MACROD2: variants seen among roughly 807,000 people sequenced by gnomAD.
MACROD2 encodes the protein ADP-ribose glycohydrolase MACROD2.
A neutral mutation model predicts 70.4 loss-of-function variants in MACROD2; 36 were observed. That is an observed-to-expected ratio of 0.51 (90% CI 0.39 to 0.68). MACROD2 has a LOEUF of 0.68. Among genes scored for constraint, MACROD2 ranks in the 30% least tolerant of loss-of-function variants. The pLI is 0.00. For missense variants in MACROD2, 496 were observed against 538.4 expected, an observed-to-expected ratio of 0.92 and a Z score of 0.78; for synonymous variants, 172 against 178.8, an observed-to-expected ratio of 0.96 and a Z score of 0.30.
intron 13 of MACROD2, among the ~76,000 whole-genome samples, chr20:15,977,614 A>G (rs1470011320): frequency 1.3e-5 from 2 of 152,216 alleles, no homozygotes; most frequent in Non-Finnish European, 2.9e-5. Flanking sequence ...ACATTGATTG[A>G]TGACTTCTTA....
At chr20:15,662,861 G>A (rs1203775965) in intron 8 of MACROD2, among the ~76,000 whole-genome samples, 1 of 151,868 alleles carries the variant, frequency 6.6e-6, no homozygotes, top group African/African-American at 2.4e-5. Flanking sequence ...GAAGAAAAAG[G>A]CACATTGGTA....
chr20:15,677,679 C>T (rs925833374), intron 8 of MACROD2, among the ~76,000 whole-genome samples: 1 of 18,802 alleles, frequency 5.3e-5, no homozygotes, highest in Non-Finnish European at 1.3e-4. Flanking sequence ...AACCAACCAA[C>T]CAACCAACCA....
chr20:15,335,465 A>G (rs1008497524), intron 6 of MACROD2, among the ~76,000 whole-genome samples: 2 of 146,426 alleles, frequency 1.4e-5, no homozygotes, highest in Non-Finnish European at 3.0e-5. Flanking sequence ...TATTCTGCTA[A>G]TGTAATATTT....
intron 3 of MACROD2, among the ~76,000 whole-genome samples, chr20:14,364,778 G>A (rs967165702): frequency 6.6e-6 from 1 of 152,178 alleles, no homozygotes; most frequent in African/African-American, 2.4e-5. Flanking sequence ...ATTGTACCAT[G>A]TGTCAGTAGT....
chr20:14,154,889 T>C (rs954694715), intron 3 of MACROD2, among the ~76,000 whole-genome samples: 4 of 152,198 alleles, frequency 2.6e-5, no homozygotes, highest in African/African-American at 9.6e-5. Flanking sequence ...GCATTTATAA[T>C]GCATGTCATA....
At chr20:15,112,950 C>CTG (rs11467446) in intron 5 of MACROD2, among the ~76,000 whole-genome samples, 8,842 of 146,048 alleles carry the variant, frequency 0.061, 270 homozygotes, top group Middle Eastern at 0.14. Context: ...TAATATTTCA[C>CTG]TGTGTGTGTG....
chr20:15,838,836 G>A (rs2064141253), intron 8 of MACROD2, among the ~76,000 whole-genome samples: 1 of 151,984 alleles, frequency 6.6e-6, no homozygotes, highest in Non-Finnish European at 1.5e-5. Flanking sequence ...CTTGTAGTCT[G>A]GTTTCATTTG....
At position 14,734,224 on chromosome 20, in the gene MACROD2, C is replaced by T. The variant is rs552898474; in HGVS notation, c.418+49265C>T. 7.9e-5 allele frequency among the ~76,000 whole-genome samples: 12 copies of T among 152,048 alleles called. No homozygotes were observed. In the East Asian group the frequency reaches 1.4e-3, roughly 17 times the overall value. ...TTAAAATTAACAATAAGGGGCCGGG[C>T]GTGGTGGCTCACACCTGTAATCCCA... On this transcript the variant is annotated intron_variant, in intron 5 of 17. Coordinates refer to ENST00000684519, the MANE Select transcript of MACROD2 (RefSeq NM_001351661.2).
chr20:15,536,770 A>G (rs919089733), intron 8 of MACROD2, among the ~76,000 whole-genome samples: 17 of 152,212 alleles, frequency 1.1e-4, no homozygotes, highest in Admixed American at 9.8e-4. Context: ...GAGCTTTATT[A>G]TGATCGTTTC....
At chr20:15,904,486 G>A (rs1308966603) in intron 10 of MACROD2, among the ~76,000 whole-genome samples, 2 of 152,168 alleles carry the variant, frequency 1.3e-5, no homozygotes, top group East Asian at 3.9e-4. Flanking sequence ...CCCCATAAAA[G>A]GTGTTTTTTT....
intron 2 of MACROD2, among the ~76,000 whole-genome samples, chr20:14,007,595 T>C (rs969498742): frequency 2.6e-5 from 4 of 152,184 alleles, no homozygotes; most frequent in Non-Finnish European, 5.9e-5. Context: ...AATGGGTGGA[T>C]GGGTAGATAT....
chr20:14,914,697 A>G (rs1424059267), intron 5 of MACROD2, among the ~76,000 whole-genome samples: 3 of 152,228 alleles, frequency 2.0e-5, no homozygotes, highest in African/African-American at 4.8e-5. Context: ...AAATAAAAGT[A>G]TATCTACTAT....
chr20:14,051,841 T>C, intron 2 of MACROD2: 1 of 488,366 alleles, frequency 2.0e-6, no homozygotes, highest in South Asian at 1.5e-5. Flanking sequence ...GGCCCATCCT[T>C]TTTGTGAGGA....
intron 13 of MACROD2, among the ~76,000 whole-genome samples, chr20:15,971,711 T>G (rs2066233475): frequency 1.3e-5 from 2 of 152,114 alleles, no homozygotes; most frequent in Admixed American, 1.3e-4. Flanking sequence ...GAACAGACAC[T>G]AATACTCTGG....
chr20:15,381,216 A>G (rs2146278309), intron 6 of MACROD2, among the ~76,000 whole-genome samples: 1 of 152,134 alleles, frequency 6.6e-6, no homozygotes, highest in East Asian at 1.9e-4. Context: ...CATTATTTTT[A>G]GAGAGCTCTT....
At chr20:15,165,447 C>T (rs1321178388) in intron 5 of MACROD2, among the ~76,000 whole-genome samples, 1 of 152,162 alleles carries the variant, frequency 6.6e-6, no homozygotes, top group Admixed American at 6.5e-5. Context: ...CAGAGCAAAA[C>T]TGCATCTAAA....
At chr20:14,731,731 C>A (rs906584450) in intron 5 of MACROD2, among the ~76,000 whole-genome samples, 1 of 152,028 alleles carries the variant, frequency 6.6e-6, no homozygotes, top group Non-Finnish European at 1.5e-5. Context: ...TGATATGTGC[C>A]TTTTTTCACT....
intron 3 of MACROD2, among the ~76,000 whole-genome samples, chr20:14,125,372 C>G (rs940948946): frequency 6.6e-6 from 1 of 152,172 alleles, no homozygotes; most frequent in Non-Finnish European, 1.5e-5. Context: ...AAAATCTTGA[C>G]AGCCACTTGC....
chr20:15,155,142 CTG>C (rs1408200715), intron 5 of MACROD2, among the ~76,000 whole-genome samples: 3 of 152,080 alleles, frequency 2.0e-5, no homozygotes, highest in African/African-American at 7.2e-5. Flanking sequence ...AAAATGGTAA[CTG>C]TTGCTAGTAT....
Sources: allele counts gnomAD v4.1 joint callset (sites outside exome capture counted in the v4.1 genomes callset), GRCh38; gene constraint gnomAD v4.1.1; transcripts MANE v1.5; gene names NCBI Gene and HGNC (gene_info 2026-07-23, HGNC 2026-07-21).